The following ATP2C1 variants were observed in gnomAD, a reference collection of about 807,000 sequenced individuals.
ATP2C1 encodes ATPase secretory pathway Ca2+ transporting 1.
ATP2C1 carries 31 observed loss-of-function variants against 120.5 expected under a neutral mutation model. The ratio of observed to expected loss-of-function variants is 0.26; its 90% CI spans 0.19 to 0.35. The LOEUF (loss-of-function observed/expected upper bound fraction) is 0.35. Ranked by LOEUF, ATP2C1 falls within the 10% of genes least tolerant of loss-of-function variation. ATP2C1 has a pLI of 1.00. For missense variants in ATP2C1, 731 were observed against 1,107.5 expected (o/e 0.66, Z 4.83); for synonymous variants, 351 against 358.7 (o/e 0.98, Z 0.24).
At chr3:130,990,798 C>G (rs535879953) in intron 20 of ATP2C1, among the ~76,000 whole-genome samples, 1 of 152,184 alleles carries the variant, frequency 6.6e-6, no homozygotes, top group South Asian at 2.1e-4. Flanking sequence ...CAACAAGATT[C>G]GCTGTCAAAC....
chr3:130,949,928 A>C (rs1199807847), intron 8 of ATP2C1, among the ~76,000 whole-genome samples: 2 of 152,110 alleles, frequency 1.3e-5, no homozygotes, highest in African/African-American at 4.8e-5. Flanking sequence ...TCCATTTCTA[A>C]TCTGCATTTT....
In ATP2C1 at chr3:130,927,320, A is replaced by G. The variant is rs534301733; in HGVS notation, c.7-3096A>G. On this transcript the variant is annotated intron_variant, in intron 2 of 27. Transcript: ENST00000510168. ...CAGTGGCGTGATCTCAGCTCACTGCAAGCTCTGCCTCCCGGGTTCATGCCA... is the reference window on the plus strand; with the variant it reads ...CAGTGGCGTGATCTCAGCTCACTGCGAGCTCTGCCTCCCGGGTTCATGCCA... Among the ~76,000 whole-genome samples, 27 of 150,990 alleles carry G rather than the reference A, an allele frequency of 1.8e-4. No homozygotes were observed. In the East Asian group the frequency reaches 4.3e-3, roughly 24 times the overall value.
intron 1 of ATP2C1, among the ~76,000 whole-genome samples, chr3:130,861,499 C>T (rs1553743693): frequency 6.6e-6 from 1 of 152,172 alleles, no homozygotes; most frequent in Non-Finnish European, 1.5e-5. Flanking sequence ...CACCCTTCCT[C>T]TGCCTTTTGG....
At chr3:130,912,454 A>G (rs1315601477) in intron 2 of ATP2C1, among the ~76,000 whole-genome samples, 6 of 150,960 alleles carry the variant, frequency 4.0e-5, no homozygotes, top group Admixed American at 3.3e-4. Flanking sequence ...ACATGAACAG[A>G]CACTTCTCAA....
At chr3:131,011,720 C>G (rs2063323334) in intron 26 of ATP2C1, among the ~76,000 whole-genome samples, 1 of 152,218 alleles carries the variant, frequency 6.6e-6, no homozygotes, top group Non-Finnish European at 1.5e-5. Context: ...CCATTTTGCA[C>G]TTGACAGACT....
chr3:130,997,501 A>G, intron 24 of ATP2C1, 105 bp from the exon 25 acceptor site: 2 of 1,077,448 alleles, frequency 1.9e-6, no homozygotes, highest in Non-Finnish European at 2.8e-6. Flanking sequence ...TGTTTCTATA[A>G]GAAAGCATTT....
At chr3:130,878,995 C>T (rs987936887) in intron 1 of ATP2C1, among the ~76,000 whole-genome samples, 2 of 152,170 alleles carry the variant, frequency 1.3e-5, no homozygotes, top group South Asian at 2.1e-4. Context: ...ATTCAACATA[C>T]ACTTTCTAGC....
At chr3:130,984,627 A>G (rs1272899806) in intron 20 of ATP2C1, among the ~76,000 whole-genome samples, 5 of 152,326 alleles carry the variant, frequency 3.3e-5, no homozygotes, top group South Asian at 4.1e-4. Context: ...AGAGCCAATC[A>G]TAGTCCTGAA....
chr3:130,985,872 C>T (rs1444049626), intron 20 of ATP2C1, among the ~76,000 whole-genome samples: 1 of 151,818 alleles, frequency 6.6e-6, no homozygotes, highest in African/African-American at 2.4e-5. Context: ...AGCGTATGTT[C>T]ATATTCATTT....
chr3:130,989,397 T>C (rs1364281735), intron 20 of ATP2C1, among the ~76,000 whole-genome samples: 6 of 151,496 alleles, frequency 4.0e-5, no homozygotes, highest in Non-Finnish European at 7.4e-5. Context: ...AAAACCTGTC[T>C]CTACTAAAAA....
At chr3:131,005,319 T>A (rs2063066492), downstream of ATP2C1, among the ~76,000 whole-genome samples, 1 of 152,044 alleles carries the variant, frequency 6.6e-6, no homozygotes, top group Admixed American at 6.5e-5. Context: ...GGTTTCACCA[T>A]ATTACCCAGG....
chr3:130,946,441 C>T (rs1375321596), intron 8 of ATP2C1, among the ~76,000 whole-genome samples: 1 of 152,184 alleles, frequency 6.6e-6, no homozygotes, highest in East Asian at 1.9e-4. Flanking sequence ...TAATGGGCAT[C>T]ATTGAGCCAG....
intron 1 of ATP2C1, chr3:130,869,199 T>C (rs1038879303): frequency 4.0e-5 from 5 of 125,194 alleles, no homozygotes; most frequent in African/African-American, 1.6e-4. Context: ...GTGCAAGATG[T>C]GCTTTGTTAA....
chr3:130,928,509 A>G lies in ATP2C1; in HGVS notation c.7-1907A>G, dbSNP rs139355254. On this transcript the variant is annotated intron_variant, in intron 2 of 27. Transcript: ENST00000510168. Reference sequence around the variant, plus strand: ...TTTATGAGTAAGGCTGTCATATTGCATGCTGGGTACTAGAGTTAGCAATTT... The same window carrying G: ...TTTATGAGTAAGGCTGTCATATTGCGTGCTGGGTACTAGAGTTAGCAATTT... Among the ~76,000 whole-genome samples the G allele has an allele frequency of 8.5e-4, 129 of 152,346 alleles. 1 individual carries two copies. The highest frequency in any genetic ancestry group is 5.8e-3 in the East Asian group (30 of 5,196).
chr3:130,897,697 G>A (rs1378012356), intron 2 of ATP2C1, among the ~76,000 whole-genome samples: 1 of 152,060 alleles, frequency 6.6e-6, no homozygotes, highest in Non-Finnish European at 1.5e-5. Flanking sequence ...TTGGCACTTC[G>A]GTTTAGATTC....
chr3:130,907,616 G>T (rs1460547566), intron 2 of ATP2C1, among the ~76,000 whole-genome samples: 1 of 151,816 alleles, frequency 6.6e-6, no homozygotes, highest in East Asian at 1.9e-4. Flanking sequence ...ATTCTATTCT[G>T]TTGGTTTATA....
chr3:130,996,647 C>T, intron 23 of ATP2C1, 33 bp from the exon 24 acceptor site: 5 of 1,346,128 alleles, frequency 3.7e-6, no homozygotes, highest in Non-Finnish European at 5.3e-6. Context: ...ATTTACTCTA[C>T]TGATATTTTT....
At chr3:130,872,710 G>C (rs1009252416) in intron 1 of ATP2C1, among the ~76,000 whole-genome samples, 2 of 151,794 alleles carry the variant, frequency 1.3e-5, no homozygotes, top group East Asian at 3.9e-4. Context: ...TTAGCCTCCC[G>C]AGTAGCTGTG....
chr3:130,893,856 C>A (rs2069318596), upstream of ATP2C1: 6 of 909,288 alleles, frequency 6.6e-6, no homozygotes, highest in South Asian at 2.5e-4. Context: ...CCCCGAGCGA[C>A]CTCCTACCGG....
Sources: allele counts gnomAD v4.1 joint callset (sites outside exome capture counted in the v4.1 genomes callset), GRCh38; gene constraint gnomAD v4.1.1; transcripts MANE v1.5; gene names NCBI Gene and HGNC (gene_info 2026-07-23, HGNC 2026-07-21).